Variants in VASH2 observed in about 807,000 individuals in gnomAD.
VASH2 encodes the protein tubulinyl-Tyr carboxypeptidase 2.
In VASH2, 28 loss-of-function variants were observed where a neutral mutation model predicts 37.2. The ratio of observed to expected loss-of-function variants is 0.75; its 90% CI spans 0.56 to 1.03. VASH2 has a LOEUF of 1.03. Ranked by LOEUF, VASH2 falls within the 50% of genes least tolerant of loss-of-function variation. VASH2 has a pLI of 0.00. For missense variants in VASH2, 419 were observed against 459.1 expected, an observed-to-expected ratio of 0.91 and a Z score of 0.80; for synonymous variants, 188 against 174.7, an observed-to-expected ratio of 1.08 and a Z score of -0.60.
Position 212,972,977 on chromosome 1 carries a change from A to G in VASH2, c.879+16A>G. ...GAGAATGAAGGTGGGTGCTGGGAAG[A>G]CAAGGAAGCCATGCAGGAGAGCTCT... On this transcript the variant is annotated intron_variant, in intron 6 of 7. Coordinates refer to ENST00000517399, the MANE Select transcript of VASH2 (RefSeq NM_001301056.2). 6.2e-7 allele frequency: 1 copy of G among 1,604,278 alleles called. No individual in the cohort carries two copies. The highest frequency in any genetic ancestry group is 8.5e-7 in the Non-Finnish European group (1 of 1,179,504).
At chr1:212,960,461 A>G (rs1449240512) in intron 2 of VASH2, among the ~76,000 whole-genome samples, 1 of 152,236 alleles carries the variant, frequency 6.6e-6, no homozygotes, top group African/African-American at 2.4e-5. Flanking sequence ...ACTCAGGGAA[A>G]GGGACACACT....
Position 212,961,212 on chromosome 1 carries a change from C to T in VASH2, c.323C>T (p.Pro108Leu). The change falls in exon 3 of 8, where the codon CCA becomes CTA. Residue 108 changes from proline to leucine, a missense_variant. Around this residue, in one of 3 missense-constraint regions of VASH2, gnomAD observed 158 missense variants for 163.0 expected, o/e 0.97. Coordinates refer to ENST00000517399, the MANE Select transcript of VASH2 (RefSeq NM_001301056.2). ...AACTACAGGCTGTCGATGACGATCC[C>T]AGACTGGCTCCAGGCGATCCAGAAT... ...VPNYRLSMTI[P>L]DWLQAIQNYM... The T allele has an allele frequency of 6.2e-7, 1 of 1,614,230 alleles. No homozygotes were observed. Among genetic ancestry groups the T allele is most frequent in the East Asian group, 2.2e-5 (1 of 44,884 alleles).
chr1:212,963,880 T>C lies in VASH2; in HGVS notation c.366-1842T>C, dbSNP rs142749070. ...AACTGAATTTTTGCCAATTGAATTC[T>C]ACTTTATGTACCAGGAACCTCGTTG... is the stretch of plus-strand genomic sequence containing the variant. On this transcript the variant is annotated intron_variant, in intron 3 of 7. Coordinates refer to ENST00000517399, the MANE Select transcript of VASH2 (RefSeq NM_001301056.2). 3.3e-3 allele frequency among the ~76,000 whole-genome samples: 502 copies of C among 152,346 alleles called. 4 individuals are homozygous for C. The highest frequency in any genetic ancestry group is 0.011 in the African/African-American group (477 of 41,576).
chr1:212,969,769 G>T (rs1666954862), intron 5 of VASH2, among the ~76,000 whole-genome samples: 1 of 152,210 alleles, frequency 6.6e-6, no homozygotes, highest in South Asian at 2.1e-4. Flanking sequence ...ATATGAATGG[G>T]TTCATCCGTC....
At chr1:212,982,573 C>T (rs1437237205) in intron 7 of VASH2, among the ~76,000 whole-genome samples, 2 of 150,776 alleles carry the variant, frequency 1.3e-5, no homozygotes, top group African/African-American at 5.0e-5. Context: ...AATAGCTCAC[C>T]CAGCTCTGGC....
chr1:212,987,031 C>CAGAGAG (rs10601750), intron 7 of VASH2, among the ~76,000 whole-genome samples: 52 of 148,544 alleles, frequency 3.5e-4, no homozygotes, highest in Admixed American at 2.4e-3. Flanking sequence ...CTTCCCATTT[C>CAGAGAG]AGAGAGAGAG....
rs938797312 is a variant in VASH2, at chr1:212,950,813, C to A, written c.-205+73C>A. 1.3e-5 allele frequency: 2 copies of A among 153,216 alleles called. No individual in the cohort carries two copies. The highest frequency in any genetic ancestry group is 2.4e-5 in the African/African-American group (1 of 41,586). The allele number at this position is 153,216 out of a possible 1,614,324, so 9.5% of individuals were successfully genotyped here. ...GCAGCCAGTCCCTCCCGGTGATAGG[C>A]GCTGGAACTCGGGGAAAAGGGGGCG... On this transcript the variant is annotated intron_variant, in intron 1 of 7. Coordinates refer to ENST00000517399, the MANE Select transcript of VASH2 (RefSeq NM_001301056.2). This position sits in a 1 kb window ranked among gnomAD's most constrained non-coding sequence, Gnocchi z 5.5.
intron 3 of VASH2, among the ~76,000 whole-genome samples, chr1:212,962,578 A>C (rs1666711279): frequency 6.6e-6 from 1 of 152,200 alleles, no homozygotes; most frequent in Admixed American, 6.5e-5. Flanking sequence ...GGGACCGAAC[A>C]CTAGCACCTC....
At chr1:212,968,297 G>C in intron 5 of VASH2, 1 of 985,390 alleles carries the variant, frequency 1.0e-6, no homozygotes, top group Non-Finnish European at 1.2e-6. Context: ...GTCTAGTTTG[G>C]CACAAAGAGC....
In VASH2 at chr1:212,966,253, C is replaced by T; in HGVS notation, c.423-18C>T. On this transcript the variant is annotated intron_variant, in intron 4 of 7. Coordinates refer to ENST00000517399, the MANE Select transcript of VASH2 (RefSeq NM_001301056.2). Reference sequence around the variant, plus strand: ...ATTAAATAGGTTCTGAGATCCTCTGCTGTGCTCTATCCTACAGGTTAATGG... The same window carrying T: ...ATTAAATAGGTTCTGAGATCCTCTGTTGTGCTCTATCCTACAGGTTAATGG... 4 of 1,549,992 alleles carry T rather than the reference C, an allele frequency of 2.6e-6. No homozygotes were observed. The highest frequency in any genetic ancestry group is 3.5e-6 in the Non-Finnish European group (4 of 1,145,482).
intron 4 of VASH2, 133 bp from the exon 5 acceptor site, chr1:212,966,138 G>C (rs1558145566): frequency 2.6e-6 from 2 of 757,086 alleles, no homozygotes. Context: ...TTCCTGCAAG[G>C]TGACTTCTCC....
Position 212,990,084 on chromosome 1 carries a change from A to G in VASH2, c.*1500A>G, listed in dbSNP as rs1443690992. 3 of 152,034 alleles carry G rather than the reference A, an allele frequency of 2.0e-5. No individual in the cohort carries two copies. The highest frequency in any genetic ancestry group is 4.4e-5 in the Non-Finnish European group (3 of 68,010). The allele number at this position is 152,034 out of a possible 1,614,324, so 9.4% of individuals were successfully genotyped here. A position where few individuals can be genotyped will look rare whatever the true frequency, so the allele number is the denominator to read the frequency against. On this transcript the variant is annotated 3_prime_UTR_variant, in exon 8 of 8. Transcript: ENST00000517399. Reference sequence around the variant, plus strand: ...AGTTAAAAAAAAAAAAAGCTCATTGAGATTCTTTACCAATTCTTTACAAGA... The same window carrying G: ...AGTTAAAAAAAAAAAAAGCTCATTGGGATTCTTTACCAATTCTTTACAAGA...
chr1:212,978,402 G>C, intron 7 of VASH2, among the ~76,000 whole-genome samples: 1 of 152,122 alleles, frequency 6.6e-6, no homozygotes, highest in African/African-American at 2.4e-5. Context: ...GGGAGTGGTC[G>C]GTCACTCGAG....
In VASH2 at chr1:212,989,882, T is replaced by G. The variant is rs1026354303; in HGVS notation, c.*1298T>G. The stretch of plus-strand genomic sequence containing the variant: ...ACAGGACAACCCTAACAGCCTAGTC[T>G]TGTATGGTGTAAATATCAAGAGTAC... On this transcript the variant is annotated 3_prime_UTR_variant, in exon 8 of 8. Transcript: ENST00000517399. 2 of 152,214 alleles carry G rather than the reference T, an allele frequency of 1.3e-5. No individual in the cohort carries two copies. The highest frequency in any genetic ancestry group is 4.8e-5 in the African/African-American group (2 of 41,424). The allele number at this position is 152,214 out of a possible 1,614,324, so 9.4% of individuals were successfully genotyped here.
intron 2 of VASH2, among the ~76,000 whole-genome samples, chr1:212,959,116 C>T (rs1666590178): frequency 6.6e-6 from 1 of 152,212 alleles, no homozygotes; most frequent in African/African-American, 2.4e-5. Context: ...GGGCCTAAAA[C>T]TTGAAACACA....
At chr1:212,957,806 G>A (rs1204226144) in intron 2 of VASH2, among the ~76,000 whole-genome samples, 1 of 151,982 alleles carries the variant, frequency 6.6e-6, no homozygotes, top group East Asian at 1.9e-4. Context: ...CGCCCTGTTG[G>A]CCAGGCTGGT....
At chr1:212,968,963 G>A (rs1183157307) in intron 5 of VASH2, 10 of 985,242 alleles carry the variant, frequency 1.0e-5, no homozygotes, top group East Asian at 1.1e-4. Context: ...ATACATTTGC[G>A]CATCATGCCA....
intron 5 of VASH2, chr1:212,968,142 A>G (rs41277152): frequency 0.047 from 43,299 of 923,782 alleles, 1,185 homozygotes; most frequent in Non-Finnish European, 0.051. Flanking sequence ...GCCTTGTGGG[A>G]TGTCGGAATG....
At position 212,966,174 on chromosome 1, in the gene VASH2, T is replaced by C. The variant is rs1294340734; in HGVS notation, c.423-97T>C. On this transcript the variant is annotated intron_variant, in intron 4 of 7. Coordinates refer to ENST00000517399, the MANE Select transcript of VASH2 (RefSeq NM_001301056.2). ...CTTTTCCCTCCGTGCTCCTGTGTGG[T>C]TCCTGGTGTGGGGACAGGCATGCTG... 4.7e-6 allele frequency: 5 copies of C among 1,062,228 alleles called. No homozygotes were observed. In the Admixed American group the frequency reaches 1.0e-4, roughly 22 times the overall value. 65.8% of individuals were successfully genotyped at this position (1,062,228 alleles called of 1,614,324 possible). A position where few individuals can be genotyped will look rare whatever the true frequency, so the allele number is the denominator to read the frequency against.
Sources: gnomAD v4.1 joint callset for allele counts (sites outside exome capture counted in the v4.1 genomes callset) on GRCh38, gnomAD v4.1.1 for gene constraint, gnomAD v4.1.1 regional missense constraint, Gnocchi (gnomAD v3.1) non-coding constraint, MANE v1.5 for transcripts, NCBI Gene and HGNC (gene_info 2026-07-23, HGNC 2026-07-21) for gene names.